The following PIK3R6 variants were observed in gnomAD, a reference collection of about 807,000 sequenced individuals.
PIK3R6 encodes phosphoinositide 3-kinase regulatory subunit 6.
A neutral mutation model predicts 84.9 loss-of-function variants in PIK3R6; 91 were observed. The observed-to-expected ratio is 1.07, with a 90% CI of 0.90 to 1.28. The LOEUF is 1.28. PIK3R6 is among the 50% of genes most tolerant of loss of function. The pLI is 0.00. For missense variants in PIK3R6, 996 were observed against 985.1 expected (o/e 1.01, Z -0.15); for synonymous variants, 416 against 411.4 (o/e 1.01, Z -0.13).
intron 2 of PIK3R6, among the ~76,000 whole-genome samples, chr17:8,847,120 G>A (rs911357886): frequency 2.0e-5 from 3 of 152,204 alleles, no homozygotes; most frequent in Admixed American, 2.0e-4. Context: ...TATCTCACTT[G>A]ATTCTGACAA....
At chr17:8,836,495 G>T in intron 7 of PIK3R6, 52 bp downstream of exon 7, 1 of 1,595,924 alleles carries the variant, frequency 6.3e-7, no homozygotes, top group Non-Finnish European at 8.6e-7. Context: ...AGTCACTAAA[G>T]CCACAACAGT....
intron 5 of PIK3R6, among the ~76,000 whole-genome samples, chr17:8,837,387 C>A (rs1403302635): frequency 6.6e-6 from 1 of 152,114 alleles, no homozygotes; most frequent in East Asian, 1.9e-4. Context: ...GGAGCTAAGC[C>A]CCATCTTGAC....
intron 18 of PIK3R6, among the ~76,000 whole-genome samples, chr17:8,811,075 T>C (rs112537488): frequency 0.041 from 6,171 of 148,908 alleles, 1,001 homozygotes; most frequent in African/African-American, 0.14. Context: ...CATTTCCATA[T>C]ATCCTCTGAA....
chr17:8,815,378 C>T (rs551519419), intron 18 of PIK3R6, among the ~76,000 whole-genome samples: 19 of 152,076 alleles, frequency 1.2e-4, no homozygotes, highest in African/African-American at 3.6e-4. Context: ...TGGTGGCACA[C>T]GCCTGTAGTC....
rs753055481 is a variant in PIK3R6, at chr17:8,823,026, C to A, written c.1687G>T (p.Val563Leu). 5.6e-6 allele frequency: 9 copies of A among 1,610,866 alleles called. No homozygotes were observed. The South Asian group carries it at 8.8e-5, about 16-fold the overall frequency. ...TEDIFLIELKVKIQDSKFPKD... is the reference protein window; with the variant it reads ...TEDIFLIELKLKIQDSKFPKD... Reference sequence around the variant, plus strand: ...GGGAATTTAGAATCTTGGATCTTCACCTTCAGTTCAATGAGGAAAATGTCC... The same window carrying A: ...GGGAATTTAGAATCTTGGATCTTCAACTTCAGTTCAATGAGGAAAATGTCC... Residue 563 changes from valine (V) to leucine (L), a missense_variant, in exon 15 of 20, where the codon GTG (valine) becomes TTG (leucine). By Grantham distance (32) the Val-to-Leu change is conservative. Coordinates refer to ENST00000619866, the MANE Select transcript of PIK3R6 (RefSeq NM_001010855.4).
intron 15 of PIK3R6, 44 bp downstream of exon 15, chr17:8,822,952 G>T: frequency 6.8e-7 from 1 of 1,462,832 alleles, no homozygotes; most frequent in Non-Finnish European, 9.6e-7. Context: ...GTTTGGAGAA[G>T]CTGAGTCAGG....
intron 10 of PIK3R6, among the ~76,000 whole-genome samples, chr17:8,829,295 TACACACAC>T (rs570481137): frequency 2.1e-5 from 2 of 96,564 alleles, no homozygotes; most frequent in Non-Finnish European, 4.0e-5. Context: ...GCATCATGCA[TACACACAC>T]ACTGACACAC....
intron 9 of PIK3R6, among the ~76,000 whole-genome samples, chr17:8,832,549 ATT>A (rs71135926): frequency 7.5e-6 from 1 of 133,578 alleles, no homozygotes. Context: ...CGCCCAGCTG[ATT>A]TTTTTTTTTT....
intron 5 of PIK3R6, 39 bp from the exon 6 acceptor site, chr17:8,836,962 G>A (rs1221008896): frequency 1.3e-5 from 19 of 1,446,758 alleles, no homozygotes; most frequent in Non-Finnish European, 1.7e-5. Context: ...GAGGGAGGAG[G>A]TGGAGGTAAG....
At chr17:8,829,266 G>A (rs984148446) in intron 10 of PIK3R6, among the ~76,000 whole-genome samples, 3 of 144,976 alleles carry the variant, frequency 2.1e-5, no homozygotes, top group African/African-American at 7.8e-5. Flanking sequence ...TACACACACA[G>A]ACACACTGAC....
Position 8,855,800 on chromosome 17 carries a change from C to T in PIK3R6, c.-91-5915G>A, listed in dbSNP as rs149855602. 4.6e-3 allele frequency among the ~76,000 whole-genome samples: 705 copies of T among 152,334 alleles called. 9 individuals are homozygous for T. The highest frequency in any genetic ancestry group is 0.016 in the African/African-American group (675 of 41,558). ...GACAATTTCTCATAAAGTTATGCGT[C>T]ACTTACTGTATGATCCCGTAATCCC... On this transcript the variant is annotated intron_variant, in intron 1 of 19. Coordinates refer to ENST00000619866, the MANE Select transcript of PIK3R6 (RefSeq NM_001010855.4).
intron 9 of PIK3R6, among the ~76,000 whole-genome samples, chr17:8,831,931 C>T (rs1302344367): frequency 2.0e-5 from 3 of 152,234 alleles, no homozygotes; most frequent in African/African-American, 7.2e-5. Context: ...TAGGCATTAT[C>T]TTACCTACAT....
At chr17:8,829,264 CAG>C (rs1491013319) in intron 10 of PIK3R6, among the ~76,000 whole-genome samples, 3 of 149,564 alleles carry the variant, frequency 2.0e-5, no homozygotes, top group Non-Finnish European at 4.4e-5. Context: ...CATACACACA[CAG>C]ACACACTGAC....
At position 8,829,250 on chromosome 17, in the gene PIK3R6, C is replaced by T. The variant is rs565158925; in HGVS notation, c.890-260G>A. Among the ~76,000 whole-genome samples the T allele has an allele frequency of 2.6e-5, 4 of 151,002 alleles. No individual in the cohort carries two copies. The East Asian group carries it at 7.9e-4, about 30-fold the overall frequency. ...AGAGACACACTGAAACACATGCATG[C>T]ACGCATACACACACAGACACACTGA... On this transcript the variant is annotated intron_variant, in intron 10 of 19. Transcript: ENST00000619866.
intron 13 of PIK3R6, among the ~76,000 whole-genome samples, chr17:8,826,027 G>A (rs2087904378): frequency 6.6e-6 from 1 of 152,202 alleles, no homozygotes; most frequent in Non-Finnish European, 1.5e-5. Context: ...TTTGTGGTTA[G>A]GAGAGGGTGC....
intron 18 of PIK3R6, among the ~76,000 whole-genome samples, chr17:8,807,084 A>C (rs962149966): frequency 2.0e-5 from 3 of 152,260 alleles, no homozygotes; most frequent in African/African-American, 7.2e-5. Flanking sequence ...AGGAACTTTG[A>C]AAGAGGAAAT....
chr17:8,819,937 A>AT (rs1157487501), intron 17 of PIK3R6, among the ~76,000 whole-genome samples: 33 of 86,220 alleles, frequency 3.8e-4, no homozygotes, highest in African/African-American at 1.6e-3. Flanking sequence ...ATATATATAT[A>AT]TTTTTATATA....
intron 10 of PIK3R6, among the ~76,000 whole-genome samples, chr17:8,829,226 GAGACACACTGAAACACA>G (rs2088084214): frequency 7.0e-6 from 1 of 143,768 alleles, no homozygotes; most frequent in Non-Finnish European, 1.5e-5. Flanking sequence ...CACACACACA[GAGACACACTGAAACACA>G]TGCATGCACG....
intron 9 of PIK3R6, among the ~76,000 whole-genome samples, chr17:8,830,398 C>T (rs1220284213): frequency 6.6e-5 from 10 of 152,094 alleles, no homozygotes; most frequent in Non-Finnish European, 1.2e-4. Context: ...TCATTCCCTC[C>T]GAGCAGACTG....
Sources: gnomAD v4.1 joint callset for allele counts (sites outside exome capture counted in the v4.1 genomes callset) on GRCh38, gnomAD v4.1.1 for gene constraint, MANE v1.5 for transcripts, NCBI Gene and HGNC (gene_info 2026-07-23, HGNC 2026-07-21) for gene names.